Variants in HERC1 observed in about 807,000 individuals in gnomAD.
HERC1 encodes the protein HECT and RLD domain containing E3 ubiquitin protein ligase family member 1.
In HERC1, 160 loss-of-function variants were observed where a neutral mutation model predicts 554.3. That is an observed-to-expected ratio of 0.29 (90% CI 0.25 to 0.33). The LOEUF is 0.33. HERC1 is among the 10% of genes least tolerant of loss of function. The pLI is 1.00. For synonymous variants in HERC1, 2,175 were observed against 2,131.7 expected, an observed-to-expected ratio of 1.02 and a Z score of -0.56; for missense variants, 4,919 against 5,918.5, an observed-to-expected ratio of 0.83 and a Z score of 5.54.
chr15:63,707,053 AC>A (rs1257731113), intron 24 of HERC1, among the ~76,000 whole-genome samples: 1 of 152,202 alleles, frequency 6.6e-6, no homozygotes, highest in African/African-American at 2.4e-5. Flanking sequence ...TAAAAAACTC[AC>A]ATTAATTAAC....
At chr15:63,762,490 A>G (rs1162688765) in intron 3 of HERC1, among the ~76,000 whole-genome samples, 1 of 151,790 alleles carries the variant, frequency 6.6e-6, no homozygotes, top group Non-Finnish European at 1.5e-5. Flanking sequence ...CACCCAGCTA[A>G]TTTTTTGTAT....
chr15:63,739,920 T>A (rs75770778), intron 12 of HERC1, among the ~76,000 whole-genome samples: 71,473 of 150,402 alleles, frequency 0.48, 17,710 homozygotes, highest in Non-Finnish European at 0.54. Context: ...ATTTTATTTT[T>A]TTTTTTTTCA....
intron 1 of HERC1, among the ~76,000 whole-genome samples, chr15:63,833,330 C>G (rs1256607171): frequency 1.3e-5 from 2 of 152,230 alleles, no homozygotes; most frequent in East Asian, 3.8e-4. Context: ...GTCCCAGCCT[C>G]CACCCCGCTA....
intron 3 of HERC1, among the ~76,000 whole-genome samples, chr15:63,760,569 A>G (rs1431206878): frequency 6.6e-6 from 1 of 151,998 alleles, no homozygotes; most frequent in Non-Finnish European, 1.5e-5. Context: ...CTAAACTAGA[A>G]GAAACCCAAA....
chr15:63,702,285 T>G (rs1049654923), intron 25 of HERC1, among the ~76,000 whole-genome samples: 1 of 152,216 alleles, frequency 6.6e-6, no homozygotes, highest in African/African-American at 2.4e-5. Flanking sequence ...TTATATCATC[T>G]AATTTGAAAT....
rs998120359 is a variant in HERC1, at chr15:63,727,023, A to T, written c.3346+624T>A. Among the ~76,000 whole-genome samples the T allele has an allele frequency of 6.6e-6, 1 of 151,982 alleles. No individual in the cohort carries two copies. Among genetic ancestry groups the T allele is most frequent in the Non-Finnish European group, 1.5e-5 (1 of 68,022 alleles). On this transcript the variant is annotated intron_variant, in intron 17 of 77. Coordinates refer to ENST00000443617, the MANE Select transcript of HERC1 (RefSeq NM_003922.4). The surrounding 1 kb of genome is among the most constrained non-coding windows in gnomAD (Gnocchi z 4.3). ...CCAGGGGCGGTGGCTCCCGTCTGTA[A>T]TCCCAGCATTTTGGGAGGCTGAGGT...
At chr15:63,731,340 A>C (rs1161477006) in intron 14 of HERC1, among the ~76,000 whole-genome samples, 1 of 152,178 alleles carries the variant, frequency 6.6e-6, no homozygotes, top group African/African-American at 2.4e-5. Context: ...CTTAGAACAA[A>C]TTTGGTTTAA....
Position 63,612,808 on chromosome 15 carries a change from G to T in HERC1, c.14095-252C>A, listed in dbSNP as rs960502854. ...CAGTTCAAGTCCAATTTAGGAGCCT[G>T]CCTTCCCTCTACCACAAAATCTCAG... On this transcript the variant is annotated intron_variant, in intron 76 of 77. Coordinates refer to ENST00000443617, the MANE Select transcript of HERC1 (RefSeq NM_003922.4). This position sits in a 1 kb window ranked among gnomAD's most constrained non-coding sequence, Gnocchi z 5.0. 3.3e-5 allele frequency among the ~76,000 whole-genome samples: 5 copies of T among 152,132 alleles called. No homozygotes were observed. The highest frequency in any genetic ancestry group is 9.7e-5 in the African/African-American group (4 of 41,432).
chr15:63,787,212 A>G (rs2076484213), intron 1 of HERC1, among the ~76,000 whole-genome samples: 1 of 152,010 alleles, frequency 6.6e-6, no homozygotes, highest in South Asian at 2.1e-4. Context: ...GATGGAGTGC[A>G]GTGGTGCAAT....
intron 62 of HERC1, 32 bp downstream of exon 62, chr15:63,638,679 A>C (rs1281455579): frequency 1.3e-6 from 2 of 1,597,138 alleles, no homozygotes; most frequent in Non-Finnish European, 1.7e-6. Context: ...TTGACTGAGA[A>C]CCATCATACA....
At chr15:63,750,939 A>T (rs2075220257) in intron 8 of HERC1, among the ~76,000 whole-genome samples, 1 of 152,204 alleles carries the variant, frequency 6.6e-6, no homozygotes, top group Non-Finnish European at 1.5e-5. Context: ...CCTGAGTTCA[A>T]AATAAAATAA....
chr15:63,818,675 G>A (rs1360553071), intron 1 of HERC1, among the ~76,000 whole-genome samples: 1 of 152,012 alleles, frequency 6.6e-6, no homozygotes, highest in African/African-American at 2.4e-5. Context: ...TAATATCTTA[G>A]ACCAATTTAA....
At chr15:63,752,868 G>A (rs758183233) in intron 8 of HERC1, 90 bp downstream of exon 8, 1 of 1,217,430 alleles carries the variant, frequency 8.2e-7, no homozygotes, top group South Asian at 1.5e-5. Flanking sequence ...GTATTTATTT[G>A]AACTTTAAAA....
At chr15:63,753,163 G>A (rs2141926801) in intron 7 of HERC1, 78 bp from the exon 8 acceptor site, 1 of 1,096,626 alleles carries the variant, frequency 9.1e-7, no homozygotes, top group Non-Finnish European at 1.2e-6. Context: ...AAGTTGATAA[G>A]GAGCTCTAAT....
chr15:63,640,838 G>GA (rs1455795895), intron 60 of HERC1, among the ~76,000 whole-genome samples: 1 of 151,502 alleles, frequency 6.6e-6, no homozygotes, highest in Non-Finnish European at 1.5e-5. Context: ...TTCTTGATTG[G>GA]AAAAAAAAGC....
chr15:63,650,912 T>C (rs1470153228), intron 53 of HERC1, among the ~76,000 whole-genome samples: 2 of 152,040 alleles, frequency 1.3e-5, no homozygotes, highest in African/African-American at 4.8e-5. Flanking sequence ...ACCTGCAAAA[T>C]AAACATAATA....
intron 67 of HERC1, among the ~76,000 whole-genome samples, chr15:63,633,506 G>A (rs1008565106): frequency 6.6e-6 from 1 of 152,188 alleles, no homozygotes; most frequent in Non-Finnish European, 1.5e-5. Flanking sequence ...GCAGCTGCAT[G>A]CAGAGGGTTA....
At position 63,654,295 on chromosome 15, in the gene HERC1, C is replaced by T; in HGVS notation, c.10114G>A (p.Ala3372Thr). 3 of 1,613,796 alleles carry T rather than the reference C, an allele frequency of 1.9e-6. No homozygotes were observed. The highest frequency in any genetic ancestry group is 4.5e-5 in the East Asian group (2 of 44,850). Residue 3372 changes from alanine (A) to threonine (T), a missense_variant, in exon 51 of 78, where the codon GCC becomes ACC. By Grantham distance (58) the Ala-to-Thr change is moderately conservative. Transcript: ENST00000443617. ...GACAGCCTGGAGGAGAGGCAGCAGG[C>T]TGCCAGGGCATTAGCCAACTCCAGA... ...GPLELANALA[A>T]CCLSSRLSSQ...
chr15:63,610,860 GA>G (rs1217443007), intron 77 of HERC1, among the ~76,000 whole-genome samples: 1 of 152,238 alleles, frequency 6.6e-6, no homozygotes, highest in Non-Finnish European at 1.5e-5. Context: ...GAGGGCTTGT[GA>G]AGAGTGGGGA....
Sources: gnomAD v4.1 joint callset for allele counts (sites outside exome capture counted in the v4.1 genomes callset) on GRCh38, gnomAD v4.1.1 for gene constraint, Gnocchi (gnomAD v3.1) non-coding constraint, MANE v1.5 for transcripts, NCBI Gene and HGNC (gene_info 2026-07-23, HGNC 2026-07-21) for gene names.